Variants in PALLD observed in about 807,000 individuals in gnomAD.
PALLD encodes palladin, cytoskeletal associated protein.
PALLD carries 61 observed loss-of-function variants against 123.5 expected under a neutral mutation model. The ratio of observed to expected loss-of-function variants is 0.49; its 90% CI spans 0.40 to 0.61. The LOEUF (loss-of-function observed/expected upper bound fraction) is 0.61. PALLD is among the 20% of genes least tolerant of loss of function. The probability of loss-of-function intolerance (pLI) is 0.00; values close to 1 mark genes in which losing one functional copy is unlikely to be tolerated. For missense variants in PALLD, 1,273 were observed against 1,377.0 expected, an observed-to-expected ratio of 0.92 and a Z score of 1.20; for synonymous variants, 465 against 496.4, an observed-to-expected ratio of 0.94 and a Z score of 0.84.
In PALLD at chr4:168,530,012, A is replaced by G. The variant is rs183668747; in HGVS notation, c.908+17600A>G. Among the ~76,000 whole-genome samples the G allele has an allele frequency of 2.0e-3, 312 of 152,328 alleles. 4 individuals carry two copies. The highest frequency in any genetic ancestry group is 5.9e-3 in the African/African-American group (246 of 41,576). On this transcript the variant is annotated intron_variant, in intron 2 of 21. Coordinates refer to ENST00000505667, the MANE Select transcript of PALLD (RefSeq NM_001166108.2). ...AATGGTGCACATTTAACAATATTTT[A>G]TATTTCATTATTACTATGGCCCTCG...
chr4:168,755,758 G>T, intron 10 of PALLD: 1 of 156,624 alleles, frequency 6.4e-6, no homozygotes, highest in South Asian at 1.9e-4. Context: ...GTGGCTTGTG[G>T]GGTGGAAGTA....
At chr4:168,521,256 T>C (rs1216663327) in intron 2 of PALLD, among the ~76,000 whole-genome samples, 2 of 152,050 alleles carry the variant, frequency 1.3e-5, no homozygotes, top group African/African-American at 4.8e-5. Flanking sequence ...AAGGGATTCG[T>C]GAAACAAGCA....
rs1376491960 is a variant in PALLD at position 168,651,578 on chromosome 4, T to C, written c.909-16612T>C. ...AACAGAATCTCTGAAGATGGAACTC[T>C]TTTTTTTTCCCCCCCGCAAGGTTAG... On this transcript the variant is annotated intron_variant, in intron 2 of 21. Coordinates refer to ENST00000505667, the MANE Select transcript of PALLD (RefSeq NM_001166108.2). 2.7e-5 allele frequency among the ~76,000 whole-genome samples: 4 copies of C among 150,780 alleles called. No homozygotes were observed. In the East Asian group the frequency reaches 5.8e-4, roughly 22 times the overall value.
At chr4:168,627,740 T>C (rs1775437680) in intron 2 of PALLD, among the ~76,000 whole-genome samples, 1 of 152,028 alleles carries the variant, frequency 6.6e-6, no homozygotes, top group Non-Finnish European at 1.5e-5. Flanking sequence ...AAAGGGATAA[T>C]CTCCTTAACA....
At chr4:168,664,130 A>G (rs1779391779) in intron 2 of PALLD, among the ~76,000 whole-genome samples, 2 of 152,236 alleles carry the variant, frequency 1.3e-5, no homozygotes, top group South Asian at 4.1e-4. Flanking sequence ...CCAGCCATTT[A>G]CTAAACTTAT....
chr4:168,547,331 A>AGTGTGTGGGAGT (rs1291309742), intron 2 of PALLD, among the ~76,000 whole-genome samples: 10 of 151,776 alleles, frequency 6.6e-5, no homozygotes, highest in Non-Finnish European at 1.5e-4. Flanking sequence ...CCAAGTGGGG[A>AGTGTGTGGGAGT]GTGTGTGGGA....
intron 10 of PALLD, among the ~76,000 whole-genome samples, chr4:168,767,413 G>C (rs1285124300): frequency 6.6e-6 from 1 of 152,144 alleles, no homozygotes; most frequent in East Asian, 1.9e-4. Context: ...CTGAACAATA[G>C]CTGCCCAAAT....
At chr4:168,677,801 C>G (rs1164736134) in intron 3 of PALLD, 1 of 152,312 alleles carries the variant, frequency 6.6e-6, no homozygotes, top group African/African-American at 2.4e-5. Context: ...GTTGTTTGCC[C>G]CGTTTGTGTC....
chr4:168,669,310 A>AGCCCG (rs1779949727), intron 3 of PALLD, among the ~76,000 whole-genome samples: 1 of 152,328 alleles, frequency 6.6e-6, no homozygotes, highest in East Asian at 1.9e-4. Flanking sequence ...TCATGCCTGT[A>AGCCCG]ATCCCAGCAC....
intron 10 of PALLD, among the ~76,000 whole-genome samples, chr4:168,740,115 T>TA (rs368981755): frequency 0.018 from 2,723 of 148,702 alleles, 87 homozygotes; most frequent in South Asian, 0.14. Context: ...GCTTCCTGTA[T>TA]AAAAAAAAAA....
At chr4:168,500,586 G>C (rs183490613) in intron 1 of PALLD, among the ~76,000 whole-genome samples, 2 of 152,034 alleles carry the variant, frequency 1.3e-5, no homozygotes, top group African/African-American at 4.8e-5. Context: ...ATGTTGCCCA[G>C]GCTGGTATTG....
At chr4:168,555,037 A>T (rs1268770736) in intron 2 of PALLD, among the ~76,000 whole-genome samples, 1 of 152,242 alleles carries the variant, frequency 6.6e-6, no homozygotes, top group African/African-American at 2.4e-5. Context: ...TTATTTGTAT[A>T]CGATGAGATT....
At chr4:168,780,683 T>G (rs559459032) in intron 10 of PALLD, among the ~76,000 whole-genome samples, 14 of 152,284 alleles carry the variant, frequency 9.2e-5, no homozygotes, top group African/African-American at 2.6e-4. Flanking sequence ...TTTTGGTTTT[T>G]TTGTTGTTGT....
At chr4:168,526,321 A>T (rs1476326445) in intron 2 of PALLD, among the ~76,000 whole-genome samples, 1 of 152,136 alleles carries the variant, frequency 6.6e-6, no homozygotes, top group African/African-American at 2.4e-5. Context: ...TCAGATTTTG[A>T]TCTTTCAGAT....
intron 2 of PALLD, among the ~76,000 whole-genome samples, chr4:168,521,116 C>A (rs946397138): frequency 6.6e-6 from 1 of 152,032 alleles, no homozygotes; most frequent in Non-Finnish European, 1.5e-5. Flanking sequence ...TGTAGTCAGT[C>A]TTGTGCCATA....
At chr4:168,540,155 A>G (rs1020942887) in intron 2 of PALLD, among the ~76,000 whole-genome samples, 1 of 152,150 alleles carries the variant, frequency 6.6e-6, no homozygotes, top group Non-Finnish European at 1.5e-5. Flanking sequence ...CATGAGCCCT[A>G]ACGATTTTCT....
At chr4:168,610,009 T>C (rs887081974) in intron 2 of PALLD, among the ~76,000 whole-genome samples, 2 of 152,236 alleles carry the variant, frequency 1.3e-5, no homozygotes, top group African/African-American at 4.8e-5. Flanking sequence ...ATGTTCAATC[T>C]GTCATTCGAT....
chr4:168,692,482 G>A (rs1398134110), intron 8 of PALLD, among the ~76,000 whole-genome samples: 1 of 152,170 alleles, frequency 6.6e-6, no homozygotes, highest in East Asian at 1.9e-4. Context: ...GAATAAAATT[G>A]CATAATGCTA....
At chr4:168,819,545 A>T (rs867823244) in intron 10 of PALLD, among the ~76,000 whole-genome samples, 1 of 152,222 alleles carries the variant, frequency 6.6e-6, no homozygotes, top group Non-Finnish European at 1.5e-5. Flanking sequence ...GAGATCACAT[A>T]ATAAACTGTT....
Sources: allele counts gnomAD v4.1 joint callset (sites outside exome capture counted in the v4.1 genomes callset), GRCh38; gene constraint gnomAD v4.1.1; transcripts MANE v1.5; gene names NCBI Gene and HGNC (gene_info 2026-07-23, HGNC 2026-07-21).